Variants in PC observed in about 807,000 individuals in gnomAD.
The protein encoded by PC is pyruvate carboxylase, mitochondrial.
A neutral mutation model predicts 107.8 loss-of-function variants in PC; 46 were observed. That is an observed-to-expected ratio of 0.43 (90% CI 0.34 to 0.55). The LOEUF (loss-of-function observed/expected upper bound fraction) is 0.55. PC is among the 20% of genes least tolerant of loss of function. PC has a pLI of 0.04. For synonymous variants in PC, 662 were observed against 684.7 expected (o/e 0.97, Z 0.52); for missense variants, 1,241 against 1,643.1 (o/e 0.76, Z 4.23).
intron 3 of PC, among the ~76,000 whole-genome samples, chr11:66,880,357 C>G (rs1947143550): frequency 6.6e-6 from 1 of 152,156 alleles, no homozygotes; most frequent in Admixed American, 6.5e-5. Flanking sequence ...GCTGGGTGGG[C>G]AGACTCCCCC....
chr11:66,946,642 T>C (rs939172186), intron 3 of PC, among the ~76,000 whole-genome samples: 1 of 151,756 alleles, frequency 6.6e-6, no homozygotes, highest in African/African-American at 2.4e-5. Context: ...TTTTTTTAAA[T>C]CAGCCAGGCA....
At chr11:66,878,710 C>T (rs1947074769) in intron 3 of PC, among the ~76,000 whole-genome samples, 1 of 152,204 alleles carries the variant, frequency 6.6e-6, no homozygotes, top group East Asian at 1.9e-4. Flanking sequence ...GAAAGCAGGC[C>T]TAGACTTGAG....
intron 3 of PC, chr11:66,934,286 C>A (rs1948939989): frequency 6.6e-6 from 1 of 152,366 alleles, no homozygotes; most frequent in Non-Finnish European, 1.5e-5. Flanking sequence ...ACAGAGCCAC[C>A]ATTACGGTGT....
At chr11:66,914,468 G>T (rs186759715) in intron 3 of PC, among the ~76,000 whole-genome samples, 1 of 150,984 alleles carries the variant, frequency 6.6e-6, no homozygotes, top group Admixed American at 6.6e-5. Context: ...CCGAGATGGC[G>T]CCACTGCACT....
Position 66,924,369 on chromosome 11 carries a change from CAAAAAAA to C in PC, c.-1+28054_-1+28060del, listed in dbSNP as rs71045970. Among the ~76,000 whole-genome samples, 186 of 65,576 alleles carry C rather than the reference CAAAAAAA, an allele frequency of 2.8e-3. 1 individual carries two copies. Among genetic ancestry groups the C allele is most frequent in the African/African-American group, 0.011 (183 of 16,464 alleles). 43.0% of individuals were successfully genotyped at this position (65,576 alleles called of 152,430 possible). ...TAACATAGCAAGACCCCATCTCTAC[CAAAAAAA>C]AAAAAAAAAAAAATTAGCTAGGCAT... On this transcript the variant is annotated intron_variant, in intron 3 of 22. Coordinates refer to ENST00000393960, the MANE Select transcript of PC (RefSeq NM_001040716.2).
At position 66,861,735 on chromosome 11, in the gene PC, C is replaced by T. The variant is rs116036807; in HGVS notation, c.1368+2039G>A. Among the ~76,000 whole-genome samples the T allele has an allele frequency of 9.2e-3, 1,402 of 152,222 alleles. 27 individuals are homozygous for T. Among genetic ancestry groups the T allele is most frequent in the African/African-American group, 0.031 (1,293 of 41,532 alleles). ...AGGCTCAGGAGGCGGCTAGAGCCAG[C>T]GGCCTGGTCTTGGTGCACATTTGGG... On this transcript the variant is annotated intron_variant, in intron 12 of 22. Coordinates refer to ENST00000393960, the MANE Select transcript of PC (RefSeq NM_001040716.2).
intron 3 of PC, among the ~76,000 whole-genome samples, chr11:66,918,473 C>A (rs1457180611): frequency 1.3e-5 from 2 of 152,026 alleles, no homozygotes; most frequent in East Asian, 3.9e-4. Context: ...ACTGCAGCCT[C>A]CGCCTCCTGG....
intron 12 of PC, among the ~76,000 whole-genome samples, 192 bp downstream of exon 12, chr11:66,863,582 G>A (rs1405452937): frequency 1.3e-5 from 2 of 152,238 alleles, no homozygotes; most frequent in African/African-American, 2.4e-5. Context: ...GGGTTGCCCA[G>A]GCGCCTGCAG....
intron 21 of PC, 117 bp from the exon 22 acceptor site, chr11:66,849,487 C>A: frequency 1.2e-6 from 2 of 1,602,870 alleles, no homozygotes; most frequent in Non-Finnish European, 1.7e-6. Flanking sequence ...AAAGGCCTAG[C>A]TCCCGGTCTC....
At chr11:66,931,579 G>T (rs1407342859) in intron 3 of PC, among the ~76,000 whole-genome samples, 1 of 124,430 alleles carries the variant, frequency 8.0e-6, no homozygotes, top group Non-Finnish European at 1.8e-5. Context: ...ATAAACAAAT[G>T]GCAAAATGAA....
At chr11:66,931,646 A>G (rs1449138353) in intron 3 of PC, among the ~76,000 whole-genome samples, 1 of 152,204 alleles carries the variant, frequency 6.6e-6, no homozygotes, top group Non-Finnish European at 1.5e-5. Context: ...TTGTGCTGAC[A>G]TCGGACGATT....
In PC at chr11:66,871,951, G is replaced by A. The variant is rs1334598708; in HGVS notation, c.136+73C>T. 3.8e-6 allele frequency: 6 copies of A among 1,566,374 alleles called. No homozygotes were observed. Among genetic ancestry groups the A allele is most frequent in the East Asian group, 4.7e-5 (2 of 42,586 alleles). Reference sequence around the variant, plus strand: ...GGGGAGTGGGAAGCCAGGGCCTGGGGCAGTGAGTGGGAGAAGAATGCCAAG... The same window carrying A: ...GGGGAGTGGGAAGCCAGGGCCTGGGACAGTGAGTGGGAGAAGAATGCCAAG... On this transcript the variant is annotated intron_variant, in intron 4 of 22. Transcript: ENST00000393960. The surrounding 1 kb of genome is among the most constrained non-coding windows in gnomAD (Gnocchi z 7.4).
intron 3 of PC, among the ~76,000 whole-genome samples, chr11:66,873,918 C>A (rs889137288): frequency 2.0e-5 from 3 of 151,944 alleles, no homozygotes; most frequent in Admixed American, 6.6e-5. Flanking sequence ...TAGGCATGCA[C>A]CACCATGCCT....
At chr11:66,896,507 G>A (rs904507771) in intron 3 of PC, among the ~76,000 whole-genome samples, 1 of 152,336 alleles carries the variant, frequency 6.6e-6, no homozygotes, top group Non-Finnish European at 1.5e-5. Context: ...GCAAGCAAAC[G>A]AGAAAGAGGA....
rs749603843 is a variant in PC, at chr11:66,849,877, G to A, written c.2899-18C>T. On this transcript the variant is annotated intron_variant, in intron 20 of 22. Coordinates refer to ENST00000393960, the MANE Select transcript of PC (RefSeq NM_001040716.2). Reference sequence around the variant, plus strand: ...TTCAGTACCTGGGGAGCAAAGCAGAGGATCAGTCCCAAGTCCTGCATCCAG... The same window carrying A: ...TTCAGTACCTGGGGAGCAAAGCAGAAGATCAGTCCCAAGTCCTGCATCCAG... 2.5e-6 allele frequency: 4 copies of A among 1,613,646 alleles called. No individual in the cohort carries two copies. Among genetic ancestry groups the A allele is most frequent in the Non-Finnish European group, 3.4e-6 (4 of 1,180,016 alleles).
At chr11:66,859,037 A>C in intron 12 of PC, 1 of 1,506,872 alleles carries the variant, frequency 6.6e-7, no homozygotes, top group East Asian at 2.3e-5. Flanking sequence ...CAGCCGACCC[A>C]GTGTGGATGT....
intron 3 of PC, among the ~76,000 whole-genome samples, chr11:66,884,935 G>A (rs983030861): frequency 1.3e-5 from 2 of 152,114 alleles, no homozygotes; most frequent in Non-Finnish European, 2.9e-5. Context: ...GGTGGCCCAG[G>A]ACATTTCCCG....
intron 3 of PC, among the ~76,000 whole-genome samples, chr11:66,943,295 G>C (rs538956026): frequency 6.6e-6 from 1 of 151,842 alleles, no homozygotes; most frequent in African/African-American, 2.4e-5. Context: ...AAAAAAAAAG[G>C]GGTCACGGTC....
chr11:66,947,723 G>C (rs947095068), intron 3 of PC, among the ~76,000 whole-genome samples: 1 of 151,940 alleles, frequency 6.6e-6, no homozygotes, highest in African/African-American at 2.4e-5. Context: ...AACACTTTTC[G>C]AGGCTGAGGT....
Sources: gnomAD v4.1 joint callset for allele counts (sites outside exome capture counted in the v4.1 genomes callset) on GRCh38, gnomAD v4.1.1 for gene constraint, Gnocchi (gnomAD v3.1) non-coding constraint, MANE v1.5 for transcripts, NCBI Gene and HGNC (gene_info 2026-07-23, HGNC 2026-07-21) for gene names.